HEMK2: variants seen among roughly 807,000 people sequenced by gnomAD.
HEMK2 encodes the protein methyltransferase HEMK2.
chr21:28,576,831 C>G, the HEMK2 span, among the ~76,000 whole-genome samples: 1 of 152,200 alleles, frequency 6.6e-6, no homozygotes, highest in Non-Finnish European at 1.5e-5. Flanking sequence ...CTGTCTCCAC[C>G]TCTCGAGTAG....
the HEMK2 span, among the ~76,000 whole-genome samples, chr21:28,599,945 G>A: frequency 3.0e-3 from 454 of 152,338 alleles, 4 homozygotes; most frequent in African/African-American, 0.011. Flanking sequence ...TCTAGGTCAT[G>A]CTGATACAAG....
the HEMK2 span, among the ~76,000 whole-genome samples, chr21:28,692,754 C>T: frequency 6.6e-6 from 1 of 151,998 alleles, no homozygotes; most frequent in South Asian, 2.1e-4. Context: ...TTCAAATCAC[C>T]TTTCATCAGC....
chr21:28,844,658 C>T, the HEMK2 span, among the ~76,000 whole-genome samples: 1 of 152,002 alleles, frequency 6.6e-6, no homozygotes, highest in Non-Finnish European at 1.5e-5. Flanking sequence ...AAACCTATAA[C>T]ACCTCATATT....
chr21:28,635,857 G>A, the HEMK2 span, among the ~76,000 whole-genome samples: 10 of 152,282 alleles, frequency 6.6e-5, no homozygotes, highest in Middle Eastern at 3.4e-3. Flanking sequence ...CCCTGGGCAC[G>A]TGTAGTAATT....
the HEMK2 span, among the ~76,000 whole-genome samples, chr21:28,617,779 T>A: frequency 7.4e-6 from 1 of 134,828 alleles, no homozygotes; most frequent in African/African-American, 2.9e-5. Context: ...GTACTTGGTA[T>A]TCTTGACTGC....
At chr21:28,668,736 C>A in the HEMK2 span, among the ~76,000 whole-genome samples, 1 of 152,150 alleles carries the variant, frequency 6.6e-6, no homozygotes, top group South Asian at 2.1e-4. Context: ...CATATACTGA[C>A]CACTTCAATT....
chr21:28,775,599 T>A, the HEMK2 span, among the ~76,000 whole-genome samples: 1 of 152,106 alleles, frequency 6.6e-6, no homozygotes, highest in African/African-American at 2.4e-5. Flanking sequence ...AAACCCAGAA[T>A]GAGGCTCCAT....
chr21:28,638,880 G>C, the HEMK2 span, among the ~76,000 whole-genome samples: 3 of 152,160 alleles, frequency 2.0e-5, no homozygotes, highest in African/African-American at 7.2e-5. Context: ...AAATCTGCCA[G>C]GCTATTTGAG....
chr21:28,824,088 G>C, the HEMK2 span, among the ~76,000 whole-genome samples: 1 of 152,152 alleles, frequency 6.6e-6, no homozygotes, highest in African/African-American at 2.4e-5. Flanking sequence ...CTCAAACCTG[G>C]CTGCACATTT....
At chr21:28,711,547 G>A in the HEMK2 span, among the ~76,000 whole-genome samples, 58 of 152,242 alleles carry the variant, frequency 3.8e-4, no homozygotes, top group African/African-American at 1.3e-3. Flanking sequence ...AATGTTTAGT[G>A]ATAGAGAAGA....
the HEMK2 span, among the ~76,000 whole-genome samples, chr21:28,884,457 C>T: frequency 6.6e-6 from 1 of 152,190 alleles, no homozygotes; most frequent in African/African-American, 2.4e-5. Context: ...TTCATCTTAT[C>T]TTCAAACAAA....
At chr21:28,818,395 G>A in the HEMK2 span, among the ~76,000 whole-genome samples, 6 of 152,000 alleles carry the variant, frequency 3.9e-5, no homozygotes, top group Non-Finnish European at 8.8e-5. Flanking sequence ...GGCCTATTGT[G>A]GGACCTCACC....
chr21:28,640,960 A>G, the HEMK2 span, among the ~76,000 whole-genome samples: 1 of 151,582 alleles, frequency 6.6e-6, no homozygotes, highest in African/African-American at 2.4e-5. Flanking sequence ...AAGGAAATTA[A>G]AGGAATATTC....
At chr21:28,653,535 T>A in the HEMK2 span, among the ~76,000 whole-genome samples, 1 of 152,142 alleles carries the variant, frequency 6.6e-6, no homozygotes, top group Non-Finnish European at 1.5e-5. Context: ...GATCTTTTTT[T>A]AAAAGGAAAC....
At chr21:28,810,878 C>G in the HEMK2 span, among the ~76,000 whole-genome samples, 1 of 152,180 alleles carries the variant, frequency 6.6e-6, no homozygotes, top group Non-Finnish European at 1.5e-5. Context: ...GCATCCTCTA[C>G]ATCTGATCTT....
chr21:28,638,581 C>T, the HEMK2 span, among the ~76,000 whole-genome samples: 1 of 152,158 alleles, frequency 6.6e-6, no homozygotes. Flanking sequence ...GCAAAAGAAA[C>T]AACTGCCTCA....
the HEMK2 span, among the ~76,000 whole-genome samples, chr21:28,619,251 C>T: frequency 6.6e-6 from 1 of 152,168 alleles, no homozygotes; most frequent in African/African-American, 2.4e-5. Flanking sequence ...ATTGTTACAG[C>T]AACCCTAGCA....
At chr21:28,584,292 T>C in the HEMK2 span, among the ~76,000 whole-genome samples, 1 of 152,172 alleles carries the variant, frequency 6.6e-6, no homozygotes, top group Non-Finnish European at 1.5e-5. Context: ...AATTAGGGTG[T>C]CAGGAACTTG....
the HEMK2 span, among the ~76,000 whole-genome samples, chr21:28,784,067 A>G: frequency 2.6e-5 from 4 of 152,110 alleles, no homozygotes; most frequent in African/African-American, 9.7e-5. Context: ...GTGTGGCCTG[A>G]GCCTCCCCGA....
Sources: gnomAD v4.1 joint callset for allele counts (sites outside exome capture counted in the v4.1 genomes callset) on GRCh38, gnomAD v4.1.1 for gene constraint, MANE v1.5 for transcripts, NCBI Gene and HGNC (gene_info 2026-07-23, HGNC 2026-07-21) for gene names.